CABCOCO1: variants seen among roughly 807,000 people sequenced by gnomAD.
The protein encoded by CABCOCO1 is ciliary-associated calcium-binding coiled-coil protein 1.
Under a neutral mutation model 35.7 loss-of-function variants are expected in CABCOCO1, and 28 were observed. That is an observed-to-expected ratio of 0.78 (90% CI 0.58 to 1.07). The LOEUF is 1.07. Ranked by LOEUF, CABCOCO1 falls within the 50% of genes least tolerant of loss-of-function variation. The pLI, the probability that CABCOCO1 is intolerant of heterozygous loss-of-function variation, is 0.00. For missense variants in CABCOCO1, 326 were observed against 309.2 expected, an observed-to-expected ratio of 1.05 and a Z score of -0.41; for synonymous variants, 95 against 100.1, an observed-to-expected ratio of 0.95 and a Z score of 0.30.
chr10:61,691,579 G>A (rs1248793240), intron 5 of CABCOCO1, among the ~76,000 whole-genome samples: 1 of 152,074 alleles, frequency 6.6e-6, no homozygotes, highest in Non-Finnish European at 1.5e-5. Flanking sequence ...ATGCCATGGT[G>A]GTTTGCTGCA....
chr10:61,731,898 ATTATT>A (rs1841312836), intron 5 of CABCOCO1, among the ~76,000 whole-genome samples: 1 of 152,010 alleles, frequency 6.6e-6, no homozygotes, highest in Non-Finnish European at 1.5e-5. Flanking sequence ...CAGAAGTTAC[ATTATT>A]TTGAGTGATT....
chr10:61,752,947 A>G (rs1406498615), intron 5 of CABCOCO1, among the ~76,000 whole-genome samples: 1 of 152,174 alleles, frequency 6.6e-6, no homozygotes, highest in African/African-American at 2.4e-5. Context: ...CCTCCTATTC[A>G]GGTAGTTTCA....
Position 61,673,511 on chromosome 10 carries a change from G to A in CABCOCO1, c.164+776G>A, listed in dbSNP as rs138376989. ...GTCCTTGGGACACAAACAGGGTGTC[G>A]TGGACCATAACAGACAAATAGAAAA... On this transcript the variant is annotated intron_variant, in intron 2 of 7. Transcript: ENST00000648843. Among the ~76,000 whole-genome samples the A allele has an allele frequency of 1.5e-3, 225 of 152,270 alleles. 2 individuals carry two copies. The highest frequency in any genetic ancestry group is 9.3e-3 in the Admixed American group (142 of 15,292).
intron 5 of CABCOCO1, among the ~76,000 whole-genome samples, chr10:61,704,299 G>A (rs1438567437): frequency 2.0e-5 from 3 of 152,154 alleles, no homozygotes; most frequent in Non-Finnish European, 4.4e-5. Context: ...AGTGGGCTGG[G>A]CTTAGTGCCT....
At chr10:61,682,177 T>C (rs1839812358) in intron 3 of CABCOCO1, among the ~76,000 whole-genome samples, 1 of 152,160 alleles carries the variant, frequency 6.6e-6, no homozygotes, top group Non-Finnish European at 1.5e-5. Context: ...TATAACTGAC[T>C]CAGTAACATT....
chr10:61,749,748 G>A (rs1841740586), intron 5 of CABCOCO1, among the ~76,000 whole-genome samples: 1 of 152,210 alleles, frequency 6.6e-6, no homozygotes, highest in Non-Finnish European at 1.5e-5. Context: ...TTCAGAGTCA[G>A]ATAGATCCGG....
intron 5 of CABCOCO1, among the ~76,000 whole-genome samples, chr10:61,731,631 T>A (rs1304032688): frequency 1.4e-4 from 21 of 151,942 alleles, no homozygotes; most frequent in African/African-American, 4.3e-4. Flanking sequence ...TGATTAGTGC[T>A]TAATGGAGCA....
chr10:61,685,468 T>C (rs565184974), intron 3 of CABCOCO1: 33 of 152,294 alleles, frequency 2.2e-4, no homozygotes, highest in African/African-American at 6.5e-4. Flanking sequence ...TAAAGTACAT[T>C]TTGAATTTTT....
At chr10:61,679,960 A>G (rs1839657977) in intron 2 of CABCOCO1, among the ~76,000 whole-genome samples, 1 of 152,008 alleles carries the variant, frequency 6.6e-6, no homozygotes, top group Non-Finnish European at 1.5e-5. Context: ...GGTTGAAGAG[A>G]AAATTATAAC....
In CABCOCO1 at chr10:61,686,120, G is replaced by A. The variant is rs1415261004; in HGVS notation, c.414G>A (p.Lys138=). 1.2e-6 allele frequency: 2 copies of A among 1,606,022 alleles called. No individual in the cohort carries two copies. The highest frequency in any genetic ancestry group is 1.7e-5 in the Admixed American group (1 of 57,776). The change falls in exon 4 of 8, where the codon AAG becomes AAA. Residue 138 remains lysine (K), a synonymous_variant. Transcript: ENST00000648843. ...MAEIGPTHSQ[K]SEDWNIFDVK... The stretch of plus-strand genomic sequence containing the variant: ...AAATAGGACCAACACATTCGCAAAA[G>A]AGTGAGGACTGGAATATCTTTGATG...
chr10:61,718,315 GT>G (rs1022482072), intron 5 of CABCOCO1, among the ~76,000 whole-genome samples: 1 of 152,110 alleles, frequency 6.6e-6, no homozygotes, highest in African/African-American at 2.4e-5. Context: ...CAAAGTCAGG[GT>G]CAGGAGGCAG....
rs1258076194 is a variant in CABCOCO1 at position 61,681,156 on chromosome 10, T to A, written c.178T>A (p.Phe60Ile). ...TTTATTTTACAGAAAACTGAGAATA[T>A]TTTTGAATTTCAAAAACCTTGAAAC... ...IDGVQEKLRI[F>I]LNFKNLETCL... The change falls in exon 3 of 8, where the codon TTT (phenylalanine) becomes ATT (isoleucine). Residue 60 changes from phenylalanine to isoleucine, a missense_variant. Phe to Ile is a conservative substitution (Grantham distance 21). Transcript: ENST00000648843. 1 of 1,455,028 alleles carries A rather than the reference T, an allele frequency of 6.9e-7. No individual in the cohort carries two copies. The highest frequency in any genetic ancestry group is 9.2e-7 in the Non-Finnish European group (1 of 1,085,696). The allele number at this position is 1,455,028 out of a possible 1,614,324, so 90.1% of individuals were successfully genotyped here.
chr10:61,701,906 T>C, intron 5 of CABCOCO1: 1 of 713,068 alleles, frequency 1.4e-6, no homozygotes. Flanking sequence ...TCTGCATAAC[T>C]CCCAGATGGC....
intron 3 of CABCOCO1, among the ~76,000 whole-genome samples, chr10:61,681,922 G>T (rs1839804413): frequency 6.6e-6 from 1 of 152,070 alleles, no homozygotes; most frequent in Non-Finnish European, 1.5e-5. Flanking sequence ...GGGCATGTGG[G>T]CAACAGATAT....
chr10:61,694,021 T>C (rs1241392294), intron 5 of CABCOCO1, among the ~76,000 whole-genome samples: 1 of 151,892 alleles, frequency 6.6e-6, no homozygotes, highest in Non-Finnish European at 1.5e-5. Context: ...CATATGAATA[T>C]TGGCCACATA....
intron 5 of CABCOCO1, among the ~76,000 whole-genome samples, chr10:61,730,774 T>C (rs1291742562): frequency 6.6e-6 from 1 of 152,068 alleles, no homozygotes; most frequent in Non-Finnish European, 1.5e-5. Context: ...ATTATTATTG[T>C]TTCCTCCTCA....
intron 7 of CABCOCO1, among the ~76,000 whole-genome samples, chr10:61,762,894 A>G (rs1393400295): frequency 2.6e-5 from 4 of 152,006 alleles, no homozygotes; most frequent in African/African-American, 9.7e-5. Context: ...GTCTTGGTCA[A>G]ATTCCAAGTT....
chr10:61,701,582 A>G, intron 5 of CABCOCO1: 1 of 938,642 alleles, frequency 1.1e-6, no homozygotes, highest in African/African-American at 1.8e-5. Context: ...GGGGGAATGA[A>G]TGCAGTCTAA....
At chr10:61,738,033 C>T (rs1841463509) in intron 5 of CABCOCO1, among the ~76,000 whole-genome samples, 1 of 148,538 alleles carries the variant, frequency 6.7e-6, no homozygotes, top group African/African-American at 2.5e-5. Context: ...TACAAAAAAA[C>T]AATAAATAAA....
Sources: gnomAD v4.1 joint callset for allele counts (sites outside exome capture counted in the v4.1 genomes callset) on GRCh38, gnomAD v4.1.1 for gene constraint, MANE v1.5 for transcripts, NCBI Gene and HGNC (gene_info 2026-07-23, HGNC 2026-07-21) for gene names.